The following ARMC8 variants were observed in gnomAD, a reference collection of about 807,000 sequenced individuals.
ARMC8 encodes armadillo repeat-containing protein 8.
A neutral mutation model predicts 99.3 loss-of-function variants in ARMC8; 20 were observed. The observed-to-expected ratio is 0.20, with a 90% CI of 0.14 to 0.29. ARMC8 has a LOEUF of 0.29. ARMC8 is among the 10% of genes least tolerant of loss of function. The pLI is 1.00. For synonymous variants in ARMC8, 263 were observed against 278.3 expected, an observed-to-expected ratio of 0.95 and a Z score of 0.55; for missense variants, 569 against 809.5, an observed-to-expected ratio of 0.70 and a Z score of 3.60.
chr3:138,255,492 G>A (rs111675362), intron 12 of ARMC8, among the ~76,000 whole-genome samples: 12,178 of 151,630 alleles, frequency 0.08, 681 homozygotes, highest in Non-Finnish European at 0.12. Flanking sequence ...CTGAGCCACC[G>A]CGCAGGGCCA....
intron 1 of ARMC8, among the ~76,000 whole-genome samples, chr3:138,200,299 C>G (rs149315969): frequency 4.3e-4 from 61 of 142,346 alleles, no homozygotes; most frequent in African/African-American, 1.8e-3. Flanking sequence ...GACAGTTACA[C>G]TGCAGACTGA....
chr3:138,214,571 G>A lies in ARMC8; in HGVS notation c.122+4678G>A, dbSNP rs535422296. ...GCCTTTGGGTTTTGAGAACTTTTAA[G>A]TTAAAGGGTTAAGTTTTAGAATAAT... is the stretch of plus-strand genomic sequence containing the variant. On this transcript the variant is annotated intron_variant, in intron 2 of 21. Transcript: ENST00000469044. Among the ~76,000 whole-genome samples, 23 of 152,288 alleles carry A rather than the reference G, an allele frequency of 1.5e-4. No individual in the cohort carries two copies. The South Asian group carries it at 4.8e-3, about 32-fold the overall frequency.
intron 4 of ARMC8, 27 bp downstream of exon 4, chr3:138,223,558 A>G (rs114165357): frequency 1.1e-5 from 17 of 1,613,926 alleles, no homozygotes; most frequent in East Asian, 2.2e-5. Context: ...TTTTTGCTCA[A>G]TTAAGGTTAA....
chr3:138,258,914 C>T (rs1260433854), intron 12 of ARMC8, among the ~76,000 whole-genome samples: 1 of 152,228 alleles, frequency 6.6e-6, no homozygotes, highest in Non-Finnish European at 1.5e-5. Flanking sequence ...GGCACAGTGT[C>T]TGTGTAACAG....
In ARMC8 at chr3:138,272,964, C is replaced by G; in HGVS notation, c.1480-3C>G. ...ATTCTTGCAACTTCTTTAATCCTTT[C>G]AGAATATGGCATTTCAGGCTGAACA... is the stretch of plus-strand genomic sequence containing the variant. On this transcript the variant is annotated splice_polypyrimidine_tract_variant and splice_region_variant and intron_variant, in intron 16 of 21. Coordinates refer to ENST00000469044, the MANE Select transcript of ARMC8 (RefSeq NM_001363941.2). The G allele has an allele frequency of 6.3e-7, 1 of 1,576,198 alleles. No individual in the cohort carries two copies. The highest frequency in any genetic ancestry group is 8.6e-7 in the Non-Finnish European group (1 of 1,163,552).
intron 5 of ARMC8, 53 bp downstream of exon 5, chr3:138,223,786 C>T (rs563800035): frequency 6.8e-7 from 1 of 1,463,368 alleles, no homozygotes; most frequent in South Asian, 1.1e-5. Flanking sequence ...ACAGCCTACT[C>T]CTAATTTGCT....
At chr3:138,194,845 A>G (rs916372701) in intron 1 of ARMC8, among the ~76,000 whole-genome samples, 27 of 152,180 alleles carry the variant, frequency 1.8e-4, no homozygotes, top group Non-Finnish European at 3.1e-4. Flanking sequence ...ACTATCCTGT[A>G]AACATAAATT....
At chr3:138,221,795 T>G (rs1236546642) in intron 2 of ARMC8, 131 bp from the exon 3 acceptor site, 2 of 662,988 alleles carry the variant, frequency 3.0e-6, no homozygotes, top group Non-Finnish European at 5.3e-6. Context: ...CCTTCATTAG[T>G]ACTTTAGGTG....
chr3:138,245,758 G>T (rs1363094079), intron 12 of ARMC8: 4 of 987,234 alleles, frequency 4.1e-6, no homozygotes, highest in Non-Finnish European at 4.8e-6. Context: ...GCACCCTTAT[G>T]TTACTAAAGC....
chr3:138,233,384 A>T (rs1268553586), intron 6 of ARMC8, among the ~76,000 whole-genome samples: 4 of 152,236 alleles, frequency 2.6e-5, no homozygotes, highest in African/African-American at 9.6e-5. Context: ...TCATAACCTC[A>T]GGATCTGTAC....
intron 12 of ARMC8, chr3:138,246,726 T>C: frequency 1.0e-6 from 1 of 985,374 alleles, no homozygotes; most frequent in Non-Finnish European, 1.2e-6. Flanking sequence ...ATTAATGGCT[T>C]AATTTGTGAT....
intron 16 of ARMC8, among the ~76,000 whole-genome samples, chr3:138,272,199 A>G (rs1192459033): frequency 6.6e-6 from 1 of 152,178 alleles, no homozygotes; most frequent in South Asian, 2.1e-4. Flanking sequence ...AACACCTACC[A>G]TAGTATTGTG....
intron 2 of ARMC8, among the ~76,000 whole-genome samples, chr3:138,220,558 C>A (rs1298758154): frequency 6.6e-6 from 1 of 152,032 alleles, no homozygotes; most frequent in East Asian, 1.9e-4. Context: ...CTAGTTGTTG[C>A]AGTATTTTTC....
intron 12 of ARMC8, chr3:138,263,538 A>C: frequency 3.4e-6 from 2 of 595,698 alleles, no homozygotes; most frequent in Non-Finnish European, 6.0e-6. Context: ...CCTGTCATTC[A>C]GCCTGGCAGG....
chr3:138,262,597 T>C, intron 12 of ARMC8: 1 of 1,380,928 alleles, frequency 7.2e-7, no homozygotes, highest in African/African-American at 1.6e-5. Context: ...CTGAGGAGAT[T>C]AAAAAAAAAA....
intron 2 of ARMC8, among the ~76,000 whole-genome samples, chr3:138,218,462 G>A (rs926344027): frequency 2.6e-5 from 4 of 151,924 alleles, no homozygotes; most frequent in Non-Finnish European, 5.9e-5. Context: ...TCCTTGTATT[G>A]CCCCAGGAAC....
intron 12 of ARMC8, among the ~76,000 whole-genome samples, chr3:138,255,791 C>A (rs948321165): frequency 1.3e-5 from 2 of 152,160 alleles, no homozygotes; most frequent in African/African-American, 4.8e-5. Context: ...ACCAGCCTGG[C>A]CAACATGGTG....
chr3:138,237,233 A>G, intron 7 of ARMC8, 76 bp from the exon 8 acceptor site: 1 of 1,282,572 alleles, frequency 7.8e-7, no homozygotes, highest in Non-Finnish European at 1.1e-6. Context: ...TTTTTAGAAG[A>G]GTTTAGATTC....
chr3:138,188,623 C>T (rs2043207567), intron 1 of ARMC8: 6 of 1,493,462 alleles, frequency 4.0e-6, no homozygotes, highest in East Asian at 4.5e-5. Context: ...CAGTCTGATA[C>T]TGAGAGGGTA....
Sources: gnomAD v4.1 joint callset for allele counts (sites outside exome capture counted in the v4.1 genomes callset) on GRCh38, gnomAD v4.1.1 for gene constraint, MANE v1.5 for transcripts, NCBI Gene and HGNC (gene_info 2026-07-23, HGNC 2026-07-21) for gene names.